The following P2RX3 variants were observed in gnomAD, a reference collection of about 807,000 sequenced individuals.
P2RX3 encodes the protein purinergic receptor P2X 3.
A neutral mutation model predicts 51.5 loss-of-function variants in P2RX3; 41 were observed. The ratio of observed to expected loss-of-function variants is 0.80; its 90% CI spans 0.62 to 1.03. The LOEUF (loss-of-function observed/expected upper bound fraction) is 1.03, where lower values mean the gene tolerates loss of function less well. Ranked by LOEUF, P2RX3 falls within the 50% of genes least tolerant of loss-of-function variation. The probability of loss-of-function intolerance (pLI) is 0.00; values close to 1 mark genes in which losing one functional copy is unlikely to be tolerated. For synonymous variants in P2RX3, 185 were observed against 191.6 expected, an observed-to-expected ratio of 0.97 and a Z score of 0.29; for missense variants, 459 against 522.1, an observed-to-expected ratio of 0.88 and a Z score of 1.18.
intron 2 of P2RX3, among the ~76,000 whole-genome samples, 172 bp downstream of exon 2, chr11:57,346,851 G>A (rs911277159): frequency 4.6e-5 from 7 of 152,214 alleles, no homozygotes; most frequent in South Asian, 2.1e-4. Flanking sequence ...TTGGGCCTGC[G>A]GTGCTGGGCA....
rs533595909 is a variant in P2RX3, at chr11:57,345,060, G to A, written c.120-1484G>A. On this transcript the variant is annotated intron_variant, in intron 1 of 11. Coordinates refer to ENST00000263314, the MANE Select transcript of P2RX3 (RefSeq NM_002559.5). Reference sequence around the variant, plus strand: ...TGGAGTCTTCCCAGACGTGTGGCACGCGTGTGGTGACTTTCCGCAGCAGGC... The same window carrying A: ...TGGAGTCTTCCCAGACGTGTGGCACACGTGTGGTGACTTTCCGCAGCAGGC... Among the ~76,000 whole-genome samples the A allele has an allele frequency of 3.4e-4, 52 of 152,318 alleles. 1 individual carries two copies. The highest frequency in any genetic ancestry group is 1.2e-3 in the South Asian group (6 of 4,830).
At chr11:57,350,499 G>T (rs1362327257) in intron 7 of P2RX3, 1 of 387,738 alleles carries the variant, frequency 2.6e-6, no homozygotes, top group African/African-American at 2.0e-5. Context: ...AGCCAGGATG[G>T]TCTCGATCTC....
At chr11:57,362,502 C>T (rs1202690204) in intron 8 of P2RX3, among the ~76,000 whole-genome samples, 1 of 152,180 alleles carries the variant, frequency 6.6e-6, no homozygotes, top group Non-Finnish European at 1.5e-5. Flanking sequence ...TGCATGGCCC[C>T]CCAGGCTTCC....
chr11:57,365,281 T>A (rs1250054093), intron 8 of P2RX3, among the ~76,000 whole-genome samples: 1 of 152,178 alleles, frequency 6.6e-6, no homozygotes, highest in Non-Finnish European at 1.5e-5. Flanking sequence ...GGAAGGGAAC[T>A]AACCAGGCCA....
At chr11:57,344,314 G>T (rs911958958) in intron 1 of P2RX3, among the ~76,000 whole-genome samples, 9 of 152,176 alleles carry the variant, frequency 5.9e-5, no homozygotes, top group Non-Finnish European at 1.3e-4. Flanking sequence ...TAGTAAATAT[G>T]ATCATTAGCA....
chr11:57,337,794 C>T (rs1856263003), upstream of P2RX3, among the ~76,000 whole-genome samples: 1 of 152,214 alleles, frequency 6.6e-6, no homozygotes, highest in South Asian at 2.1e-4. Flanking sequence ...AACAAACCTG[C>T]ACGTTGTGCA....
chr11:57,337,867 T>A (rs1265421055), upstream of P2RX3, among the ~76,000 whole-genome samples: 4 of 152,212 alleles, frequency 2.6e-5, no homozygotes, highest in Non-Finnish European at 5.9e-5. Flanking sequence ...AAAAAAGACG[T>A]GCTAACTGCT....
chr11:57,352,229 A>C (rs1232654221), intron 8 of P2RX3, among the ~76,000 whole-genome samples: 1 of 152,206 alleles, frequency 6.6e-6, no homozygotes, highest in Non-Finnish European at 1.5e-5. Flanking sequence ...CCACCCCATT[A>C]AGCTTTATAT....
intron 1 of P2RX3, among the ~76,000 whole-genome samples, chr11:57,343,392 A>G (rs1856377092): frequency 6.6e-6 from 1 of 152,224 alleles, no homozygotes; most frequent in Admixed American, 6.5e-5. Flanking sequence ...GGTCCGGTTC[A>G]GGGGGCCAGC....
intron 1 of P2RX3, among the ~76,000 whole-genome samples, chr11:57,342,430 G>T (rs2134407594): frequency 6.6e-6 from 1 of 152,152 alleles, no homozygotes; most frequent in Non-Finnish European, 1.5e-5. Flanking sequence ...AAAGTGCAGG[G>T]ATTACAACAT....
upstream of P2RX3, among the ~76,000 whole-genome samples, chr11:57,337,586 G>T (rs185556430): frequency 6.6e-6 from 1 of 152,034 alleles, no homozygotes; most frequent in East Asian, 1.9e-4. Context: ...ACCAAACACC[G>T]CATATTCTCA....
chr11:57,367,204 TG>T (rs1318491358), intron 8 of P2RX3, among the ~76,000 whole-genome samples: 1 of 152,214 alleles, frequency 6.6e-6, no homozygotes, highest in Non-Finnish European at 1.5e-5. Context: ...GCAGGACTTT[TG>T]TATAGTATTC....
At chr11:57,362,469 A>G (rs1856735697) in intron 8 of P2RX3, among the ~76,000 whole-genome samples, 1 of 152,240 alleles carries the variant, frequency 6.6e-6, no homozygotes. Flanking sequence ...TGAGGAGGCT[A>G]CAGGGTCCTT....
chr11:57,361,449 T>C (rs974460616), intron 8 of P2RX3, among the ~76,000 whole-genome samples: 1 of 152,176 alleles, frequency 6.6e-6, no homozygotes, highest in Admixed American at 6.5e-5. Context: ...TCCTTCCCCC[T>C]GCACCCCCAA....
intron 8 of P2RX3, among the ~76,000 whole-genome samples, chr11:57,351,829 C>T (rs538812547): frequency 5.3e-4 from 80 of 152,258 alleles, no homozygotes; most frequent in African/African-American, 1.7e-3. Flanking sequence ...GTCAACACTA[C>T]TTATTAAAGG....
intron 1 of P2RX3, among the ~76,000 whole-genome samples, chr11:57,343,766 G>A (rs140807441): frequency 2.0e-5 from 3 of 152,208 alleles, no homozygotes; most frequent in South Asian, 2.1e-4. Context: ...ATTGAAGCTC[G>A]GTTCCAGAAG....
chr11:57,343,934 G>C (rs1856386929), intron 1 of P2RX3, among the ~76,000 whole-genome samples: 1 of 152,178 alleles, frequency 6.6e-6, no homozygotes, highest in Admixed American at 6.5e-5. Context: ...TGACAGGGAG[G>C]CTCCCTTCTC....
At chr11:57,351,039 G>A in intron 8 of P2RX3, 141 bp downstream of exon 8, 3 of 1,244,568 alleles carry the variant, frequency 2.4e-6, no homozygotes, top group South Asian at 2.8e-5. Flanking sequence ...AAATCAGGAA[G>A]GACTCTCTAA....
chr11:57,366,147 A>T (rs1856793799), intron 8 of P2RX3, among the ~76,000 whole-genome samples: 1 of 152,208 alleles, frequency 6.6e-6, no homozygotes, highest in Non-Finnish European at 1.5e-5. Context: ...GCTGTAGGAC[A>T]GTAGCCCAAA....
Sources: allele counts gnomAD v4.1 joint callset (sites outside exome capture counted in the v4.1 genomes callset), GRCh38; gene constraint gnomAD v4.1.1; transcripts MANE v1.5; gene names NCBI Gene and HGNC (gene_info 2026-07-23, HGNC 2026-07-21).